CAPN8: variants seen among roughly 807,000 people sequenced by gnomAD.
CAPN8 encodes the protein calpain-8.
Under a neutral mutation model 80.9 loss-of-function variants are expected in CAPN8, and 87 were observed. That is an observed-to-expected ratio of 1.07 (90% CI 0.90 to 1.28). The LOEUF (loss-of-function observed/expected upper bound fraction) is 1.28. Ranked by LOEUF, CAPN8 falls within the 50% of genes most tolerant of loss-of-function variation. The pLI, the probability that CAPN8 is intolerant of heterozygous loss-of-function variation, is 0.00. For missense variants in CAPN8, 757 were observed against 702.0 expected, an observed-to-expected ratio of 1.08 and a Z score of -0.89; for synonymous variants, 299 against 273.8, an observed-to-expected ratio of 1.09 and a Z score of -0.91.
At chr1:223,664,221 G>A (rs920459831) in intron 1 of CAPN8, among the ~76,000 whole-genome samples, 14 of 152,122 alleles carry the variant, frequency 9.2e-5, no homozygotes, top group African/African-American at 3.1e-4. Context: ...TCTGCCTTCC[G>A]TCTGCATCCA....
chr1:223,656,262 A>C (rs1439068796), intron 1 of CAPN8, among the ~76,000 whole-genome samples: 1 of 151,876 alleles, frequency 6.6e-6, no homozygotes, highest in African/African-American at 2.4e-5. Flanking sequence ...TGAGGTCAGG[A>C]GTTTGAAACC....
At chr1:223,632,995 CCA>C (rs1657815142) in intron 2 of CAPN8, among the ~76,000 whole-genome samples, 1 of 152,184 alleles carries the variant, frequency 6.6e-6, no homozygotes, top group South Asian at 2.1e-4. Context: ...GCTTGCAATC[CCA>C]AGGCTGCAGG....
At chr1:223,611,734 T>C (rs1452886734) in intron 11 of CAPN8, among the ~76,000 whole-genome samples, 1 of 152,192 alleles carries the variant, frequency 6.6e-6, no homozygotes, top group Non-Finnish European at 1.5e-5. Context: ...CTGTAATCAA[T>C]AACATGCACT....
In CAPN8 at chr1:223,622,803, A is replaced by T. The variant is rs778417802; in HGVS notation, c.899+12T>A. 2.6e-6 allele frequency: 4 copies of T among 1,548,344 alleles called. No homozygotes were observed. The highest frequency in any genetic ancestry group is 2.0e-5 in the Admixed American group (1 of 50,952). On this transcript the variant is annotated intron_variant, in intron 7 of 20. Coordinates refer to ENST00000366872, the MANE Select transcript of CAPN8 (RefSeq NM_001143962.2). ...GGAGAGATGACTGGAGAAGCGGGGG[A>T]AAAAAACCTACTCATCGCTCCAGGC...
At position 223,616,145 on chromosome 1, in the gene CAPN8, G is replaced by A. The variant is rs1657178150; in HGVS notation, c.1136C>T (p.Ala379Val). The change falls in exon 10 of 21, where the codon GCC becomes GTC. Residue 379 changes from alanine to valine, a missense_variant and splice_region_variant. By Grantham distance (64) the Ala-to-Val change is moderately conservative. Transcript: ENST00000366872. ...STAGGCQNYP[A>V]TYWTNPQFKI... ...GAACTGGGGATTGGTCCAGTACGTG[G>A]CTGGAAGTCACCCAGGTGATGGTGG... is the stretch of plus-strand genomic sequence containing the variant. The A allele has an allele frequency of 6.5e-7, 1 of 1,544,642 alleles. No individual in the cohort carries two copies.
chr1:223,629,275 C>A (rs565163013), intron 2 of CAPN8, among the ~76,000 whole-genome samples: 1 of 150,226 alleles, frequency 6.7e-6, no homozygotes, highest in Non-Finnish European at 1.5e-5. Context: ...GAAGAGCTGG[C>A]TCTGCGTGGT....
intron 1 of CAPN8, among the ~76,000 whole-genome samples, chr1:223,659,964 C>T (rs78029086): frequency 0.011 from 1,641 of 152,232 alleles, 19 homozygotes; most frequent in Non-Finnish European, 0.015. Flanking sequence ...AGCCAAAGCT[C>T]CACAAAGACT....
At chr1:223,652,856 T>G (rs1451245713) in intron 2 of CAPN8, among the ~76,000 whole-genome samples, 1 of 152,082 alleles carries the variant, frequency 6.6e-6, no homozygotes, top group Non-Finnish European at 1.5e-5. Context: ...CTGGTTGGGT[T>G]CATTTCCTGT....
intron 20 of CAPN8, 59 bp downstream of exon 20, chr1:223,543,049 T>C: frequency 3.9e-6 from 6 of 1,542,454 alleles, no homozygotes; most frequent in Non-Finnish European, 4.4e-6. Flanking sequence ...GGCAGCTACA[T>C]GGTCCAAGAA....
intron 2 of CAPN8, among the ~76,000 whole-genome samples, chr1:223,645,108 G>A (rs890630514): frequency 6.6e-6 from 1 of 152,152 alleles, no homozygotes; most frequent in Non-Finnish European, 1.5e-5. Flanking sequence ...AGAGACCCTG[G>A]CAAACCACGG....
chr1:223,621,959 C>T (rs993344686), intron 7 of CAPN8, among the ~76,000 whole-genome samples: 13 of 151,978 alleles, frequency 8.6e-5, no homozygotes, highest in Admixed American at 6.6e-4. Context: ...TGGGTTCAAG[C>T]GATTTCCAGC....
At chr1:223,642,230 G>T (rs572973352) in intron 2 of CAPN8, among the ~76,000 whole-genome samples, 1 of 152,316 alleles carries the variant, frequency 6.6e-6, no homozygotes, top group Admixed American at 6.5e-5. Context: ...TCAAAGATTA[G>T]CCCCAAGTCT....
intron 9 of CAPN8, among the ~76,000 whole-genome samples, 174 bp downstream of exon 9, chr1:223,619,119 G>A (rs898735554): frequency 1.1e-4 from 16 of 152,150 alleles, no homozygotes; most frequent in Admixed American, 3.3e-4. Context: ...ACTTGAGCCC[G>A]GGAGGCGGAG....
chr1:223,613,555 G>A (rs1479724904), intron 10 of CAPN8, among the ~76,000 whole-genome samples: 1 of 152,230 alleles, frequency 6.6e-6, no homozygotes, highest in East Asian at 1.9e-4. Context: ...CCAGAGCAGC[G>A]AGGTAAGGGA....
chr1:223,647,200 A>G (rs1658214844), intron 2 of CAPN8, among the ~76,000 whole-genome samples: 1 of 152,176 alleles, frequency 6.6e-6, no homozygotes, highest in African/African-American at 2.4e-5. Flanking sequence ...GCATTCCTGT[A>G]AGGCAGGATT....
intron 2 of CAPN8, among the ~76,000 whole-genome samples, chr1:223,649,065 T>C (rs1658270779): frequency 6.6e-6 from 1 of 152,216 alleles, no homozygotes; most frequent in Non-Finnish European, 1.5e-5. Flanking sequence ...ATTCTGGAAG[T>C]CTCTGGTCCT....
At position 223,541,733 on chromosome 1, in the gene CAPN8, C is replaced by A; in HGVS notation, c.*103G>T. ...CCAGGGCAAGAAAGGTATGAACAAC[C>A]AGTGAATGCCACTGGAGCATAAATG... On this transcript the variant is annotated 3_prime_UTR_variant, in exon 21 of 21. Transcript: ENST00000366872. 1 of 1,526,438 alleles carries A rather than the reference C, an allele frequency of 6.6e-7. No homozygotes were observed. Among genetic ancestry groups the A allele is most frequent in the Middle Eastern group, 1.9e-4 (1 of 5,158 alleles). 94.6% of individuals were successfully genotyped at this position (1,526,438 alleles called of 1,614,324 possible). A position where few individuals can be genotyped will look rare whatever the true frequency, so the allele number is the denominator to read the frequency against.
intron 2 of CAPN8, among the ~76,000 whole-genome samples, chr1:223,646,317 G>T (rs977124907): frequency 3.3e-5 from 5 of 152,236 alleles, no homozygotes; most frequent in African/African-American, 1.2e-4. Flanking sequence ...CCTTTTCTGG[G>T]ATCATCCTGC....
At chr1:223,653,686 C>T (rs1398744719) in intron 2 of CAPN8, among the ~76,000 whole-genome samples, 1 of 152,156 alleles carries the variant, frequency 6.6e-6, no homozygotes, top group African/African-American at 2.4e-5. Flanking sequence ...ATCTGTGAAG[C>T]CTTGGTATCG....
Sources: gnomAD v4.1 joint callset for allele counts (sites outside exome capture counted in the v4.1 genomes callset) on GRCh38, gnomAD v4.1.1 for gene constraint, MANE v1.5 for transcripts, NCBI Gene and HGNC (gene_info 2026-07-23, HGNC 2026-07-21) for gene names.